Variants in IL1RAPL2 observed in about 807,000 individuals in gnomAD.
IL1RAPL2 encodes the protein X-linked interleukin-1 receptor accessory protein-like 2.
IL1RAPL2 carries 3 observed loss-of-function variants against 44.1 expected under a neutral mutation model. The observed-to-expected ratio is 0.07, with a 90% confidence interval of 0.03 to 0.18. The LOEUF is 0.18. Among genes scored for constraint, IL1RAPL2 ranks in the 10% least tolerant of loss-of-function variants. The probability of loss-of-function intolerance (pLI) is 1.00; values close to 1 mark genes in which losing one functional copy is unlikely to be tolerated. For missense variants in IL1RAPL2, 391 were observed against 496.4 expected, an observed-to-expected ratio of 0.79 and a Z score of 2.02; for synonymous variants, 181 against 178.8, an observed-to-expected ratio of 1.01 and a Z score of -0.10.
intron 2 of IL1RAPL2, among the ~76,000 whole-genome samples, chrX:104,869,871 C>T (rs899513972): frequency 8.9e-6 from 1 of 111,902 alleles, no homozygotes; most frequent in African/African-American, 3.2e-5. Flanking sequence ...AGGATCTTTT[C>T]ACCACCACCA....
chrX:105,041,654 A>G (rs2031740300), intron 2 of IL1RAPL2, among the ~76,000 whole-genome samples: 1 of 109,386 alleles, frequency 9.1e-6, no homozygotes, highest in Non-Finnish European at 1.9e-5. Context: ...ATACTGCCCA[A>G]GGTAATTTAT....
At chrX:105,078,924 C>G (rs1048792609) in intron 2 of IL1RAPL2, among the ~76,000 whole-genome samples, 2 of 112,077 alleles carry the variant, frequency 1.8e-5, no homozygotes, top group Non-Finnish European at 3.8e-5. Flanking sequence ...TCCAGGTGCC[C>G]TCTGTCACCC....
intron 2 of IL1RAPL2, among the ~76,000 whole-genome samples, chrX:105,168,414 GGTGTGTGTGTGT>G (rs57882187): frequency 1.9e-3 from 170 of 89,329 alleles, no homozygotes; most frequent in Admixed American, 9.5e-3. Flanking sequence ...AACCATAGGA[GGTGTGTGTGTGT>G]GTGTGTGTGT....
At chrX:105,415,585 C>T (rs765539022) in intron 5 of IL1RAPL2, among the ~76,000 whole-genome samples, 1 of 111,278 alleles carries the variant, frequency 9.0e-6, no homozygotes, top group Admixed American at 9.6e-5. Flanking sequence ...ATATTTTTTT[C>T]TAATTAGAAA....
At chrX:105,583,042 A>AT (rs1390735718) in intron 6 of IL1RAPL2, among the ~76,000 whole-genome samples, 1 of 109,811 alleles carries the variant, frequency 9.1e-6, no homozygotes, top group East Asian at 2.8e-4. Context: ...AATTGGTATT[A>AT]TTTTTTCTTA....
intron 5 of IL1RAPL2, among the ~76,000 whole-genome samples, chrX:105,364,272 G>A (rs1314037283): frequency 9.0e-6 from 1 of 111,016 alleles, no homozygotes; most frequent in African/African-American, 3.3e-5. Context: ...CTTTTCCATT[G>A]GTCAATGTAT....
intron 2 of IL1RAPL2, among the ~76,000 whole-genome samples, chrX:105,120,062 A>G (rs1324367282): frequency 9.1e-6 from 1 of 109,723 alleles, no homozygotes; most frequent in African/African-American, 3.3e-5. Context: ...AAGTGGTTGA[A>G]CAAGCCTCAA....
At chrX:104,808,121 C>T (rs888629246) in intron 2 of IL1RAPL2, among the ~76,000 whole-genome samples, 2 of 112,205 alleles carry the variant, frequency 1.8e-5, no homozygotes, top group Admixed American at 9.5e-5. Flanking sequence ...AGTTTAACAT[C>T]TCACTCTGCA....
chrX:104,816,467 T>C (rs762187304), intron 2 of IL1RAPL2, among the ~76,000 whole-genome samples: 9 of 112,169 alleles, frequency 8.0e-5, no homozygotes, highest in Admixed American at 1.9e-4. Flanking sequence ...TCCTTAGTCT[T>C]TGATTAGTCC....
intron 2 of IL1RAPL2, among the ~76,000 whole-genome samples, chrX:105,190,656 T>A (rs1407431340): frequency 1.8e-5 from 2 of 111,613 alleles, no homozygotes; most frequent in Non-Finnish European, 3.8e-5. Flanking sequence ...ATTTCCAATT[T>A]GGGGAAAAAA....
chrX:105,725,664 A>AT (rs2038344232), intron 7 of IL1RAPL2, among the ~76,000 whole-genome samples: 1 of 111,884 alleles, frequency 8.9e-6, no homozygotes, highest in South Asian at 3.7e-4. Flanking sequence ...AGAGGAAATA[A>AT]TTGGACTCCC....
Position 104,647,310 on chromosome X carries a change from C to T in IL1RAPL2, c.-19-11585C>T, listed in dbSNP as rs1396079144. 27 of 442,902 alleles carry T rather than the reference C, an allele frequency of 6.1e-5. No individual in the cohort carries two copies. In the East Asian group the frequency reaches 9.8e-4, roughly 16 times the overall value. 36.5% of individuals were successfully genotyped at this position (442,902 alleles called of 1,213,427 possible). ...CTCAGCTCGATCAGGCCGTCCCCTG[C>T]GGTGGCCAGTGAGTTGGGGATCAGC... On this transcript the variant is annotated intron_variant, in intron 1 of 10. Coordinates refer to ENST00000372582, the MANE Select transcript of IL1RAPL2 (RefSeq NM_017416.2).
intron 6 of IL1RAPL2, among the ~76,000 whole-genome samples, chrX:105,672,470 A>T (rs1231714872): frequency 1.8e-5 from 2 of 112,042 alleles, no homozygotes; most frequent in African/African-American, 6.5e-5. Context: ...AGGTGGCTTT[A>T]TTATTACTTG....
intron 2 of IL1RAPL2, among the ~76,000 whole-genome samples, chrX:104,839,984 A>G (rs1341221721): frequency 9.0e-6 from 1 of 111,038 alleles, no homozygotes; most frequent in Non-Finnish European, 1.9e-5. Context: ...CTAGCAGTGT[A>G]TCTATTTTGT....
At chrX:104,907,176 A>C (rs1335218749) in intron 2 of IL1RAPL2, among the ~76,000 whole-genome samples, 3 of 111,225 alleles carry the variant, frequency 2.7e-5, no homozygotes, top group Non-Finnish European at 3.8e-5. Flanking sequence ...TATTGCATCT[A>C]TTTGATTCTT....
intron 6 of IL1RAPL2, among the ~76,000 whole-genome samples, chrX:105,691,298 T>G (rs2038033963): frequency 9.0e-6 from 1 of 111,303 alleles, no homozygotes; most frequent in Admixed American, 9.7e-5. Context: ...AACTCATTGG[T>G]CCAAATCAAT....
intron 2 of IL1RAPL2, among the ~76,000 whole-genome samples, chrX:104,693,386 C>T (rs1247605685): frequency 1.8e-5 from 2 of 111,574 alleles, no homozygotes; most frequent in African/African-American, 6.5e-5. Context: ...TTCAAGGATC[C>T]ACTTGAGGGA....
chrX:104,750,574 C>T (rs894005523), intron 2 of IL1RAPL2, among the ~76,000 whole-genome samples: 23 of 110,344 alleles, frequency 2.1e-4, no homozygotes, highest in East Asian at 5.8e-4. Flanking sequence ...AGACTATTCC[C>T]GGGCATTCAA....
chrX:105,596,533 T>C (rs949159859), intron 6 of IL1RAPL2, among the ~76,000 whole-genome samples: 1 of 112,142 alleles, frequency 8.9e-6, no homozygotes, highest in African/African-American at 3.2e-5. Flanking sequence ...CTTGATACTA[T>C]TTCAATCTTC....
Sources: allele counts gnomAD v4.1 joint callset (sites outside exome capture counted in the v4.1 genomes callset), GRCh38; gene constraint gnomAD v4.1.1; transcripts MANE v1.5; gene names NCBI Gene and HGNC (gene_info 2026-07-23, HGNC 2026-07-21).